Variants in VIPR2 observed in about 807,000 individuals in gnomAD.
VIPR2 encodes vasoactive intestinal peptide receptor 2.
In VIPR2, 48 loss-of-function variants were observed where a neutral mutation model predicts 58.0. The ratio of observed to expected loss-of-function variants is 0.83; its 90% CI spans 0.66 to 1.05. The LOEUF (loss-of-function observed/expected upper bound fraction) is 1.05. VIPR2 is among the 50% of genes least tolerant of loss of function. The pLI, the probability that VIPR2 is intolerant of heterozygous loss-of-function variation, is 0.00. For synonymous variants in VIPR2, 243 were observed against 235.2 expected (o/e 1.03, Z -0.30); for missense variants, 534 against 558.0 (o/e 0.96, Z 0.43).
intron 4 of VIPR2, among the ~76,000 whole-genome samples, chr7:159,078,717 G>A (rs1283145089): frequency 6.6e-6 from 1 of 152,246 alleles, no homozygotes; most frequent in Non-Finnish European, 1.5e-5. Flanking sequence ...CTGAGGAGGA[G>A]CACGTTGTTG....
chr7:159,141,109 T>C (rs1371427183), intron 2 of VIPR2, among the ~76,000 whole-genome samples: 1 of 152,204 alleles, frequency 6.6e-6, no homozygotes. Flanking sequence ...AACTCAGAAC[T>C]TTCACTGGAA....
intron 5 of VIPR2, among the ~76,000 whole-genome samples, chr7:159,055,815 T>C (rs1855288677): frequency 6.6e-6 from 1 of 152,226 alleles, no homozygotes; most frequent in Admixed American, 6.5e-5. Context: ...GTTTGCTGGG[T>C]TTCTCAGTGA....
At position 159,130,085 on chromosome 7, in the gene VIPR2, C is replaced by A. The variant is rs560600206; in HGVS notation, c.151+12361G>T. On this transcript the variant is annotated intron_variant, in intron 2 of 12. Transcript: ENST00000262178. ...CCCCTCAAATTGGCCTCTGTCCTCC[C>A]CTCTTGAAACTACCTTCACAAAAAT... Among the ~76,000 whole-genome samples, 3 of 152,366 alleles carry A rather than the reference C, an allele frequency of 2.0e-5. No individual in the cohort carries two copies. In the South Asian group the frequency reaches 6.2e-4, roughly 32 times the overall value.
At chr7:159,113,500 G>A (rs956316144) in intron 2 of VIPR2, among the ~76,000 whole-genome samples, 12 of 152,070 alleles carry the variant, frequency 7.9e-5, no homozygotes, top group Non-Finnish European at 1.8e-4. Flanking sequence ...CACCATCTCG[G>A]TGTCTGAGGG....
At chr7:159,032,158 T>C in intron 10 of VIPR2, 91 bp from the exon 11 acceptor site, 3 of 1,546,860 alleles carry the variant, frequency 1.9e-6, no homozygotes, top group Middle Eastern at 1.9e-4. Flanking sequence ...GGCAGCTGGG[T>C]GTGGGAGGGG....
chr7:159,101,248 C>T (rs1218734177), intron 4 of VIPR2, among the ~76,000 whole-genome samples: 10 of 141,124 alleles, frequency 7.1e-5, no homozygotes, highest in East Asian at 2.2e-4. Flanking sequence ...TGATAGTGAA[C>T]GGGTCTCACG....
chr7:159,041,063 C>T (rs1854297269), intron 6 of VIPR2, among the ~76,000 whole-genome samples: 1 of 152,246 alleles, frequency 6.6e-6, no homozygotes, highest in Non-Finnish European at 1.5e-5. Context: ...TGCACCTGGG[C>T]TTTGGATCCC....
At chr7:159,040,351 CTG>C (rs1307876903) in intron 6 of VIPR2, among the ~76,000 whole-genome samples, 1 of 152,250 alleles carries the variant, frequency 6.6e-6, no homozygotes, top group Non-Finnish European at 1.5e-5. Context: ...CGGGGAGCCT[CTG>C]TGTGAGCACG....
In VIPR2 at chr7:159,122,065, C is replaced by T. The variant is rs562171479; in HGVS notation, c.152-12146G>A. On this transcript the variant is annotated intron_variant, in intron 2 of 12. Transcript: ENST00000262178. ...AACCGCACAGGTGATTCTCCAGCCC[C>T]GCTTTAACTCCCTGGGAAGGGAAAG... 8.5e-5 allele frequency among the ~76,000 whole-genome samples: 13 copies of T among 152,346 alleles called. No homozygotes were observed. In the South Asian group the frequency reaches 2.5e-3, roughly 29 times the overall value.
Position 159,030,664 on chromosome 7 carries a change from G to A in VIPR2, c.1269C>T (p.Arg423=). 1.3e-6 allele frequency: 2 copies of A among 1,562,542 alleles called. No homozygotes were observed. The highest frequency in any genetic ancestry group is 1.7e-6 in the Non-Finnish European group (2 of 1,154,948). ...NGSEGALQFH[R]GSRAQSFLQT... ...GCAGGAAGGACTGGGCGCGGGAGCC[G>A]CGGTGGAACTGCAGGGCGCCCTCCG... Residue 423 remains arginine, a synonymous_variant, in exon 13 of 13, where the codon CGC becomes CGT. Coordinates refer to ENST00000262178, the MANE Select transcript of VIPR2 (RefSeq NM_003382.5).
intron 3 of VIPR2, among the ~76,000 whole-genome samples, chr7:159,105,266 A>G (rs1858578969): frequency 6.6e-6 from 1 of 152,140 alleles, no homozygotes; most frequent in Non-Finnish European, 1.5e-5. Context: ...AGAGCCCAGG[A>G]GGCCGGACCC....
In VIPR2 at chr7:159,031,572, G is replaced by A. The variant is rs890722310; in HGVS notation, c.1143+256C>T. 293 of 985,404 alleles carry A rather than the reference G, an allele frequency of 3.0e-4. No individual in the cohort carries two copies. Among genetic ancestry groups the A allele is most frequent in the Non-Finnish European group, 3.3e-4 (270 of 829,934 alleles). The allele number at this position is 985,404 out of a possible 1,614,324, so 61.0% of individuals were successfully genotyped here. On this transcript the variant is annotated intron_variant, in intron 12 of 12. Coordinates refer to ENST00000262178, the MANE Select transcript of VIPR2 (RefSeq NM_003382.5). The surrounding 1 kb of genome is among the most constrained non-coding windows in gnomAD (Gnocchi z 4.0). ...GACCCGGCCGGGAGCTTTCCCGAGA[G>A]GGCTCCGAGACGGACGGCAGTCGAT...
intron 2 of VIPR2, among the ~76,000 whole-genome samples, chr7:159,112,951 A>G (rs1796094636): frequency 6.6e-6 from 1 of 151,254 alleles, no homozygotes; most frequent in Non-Finnish European, 1.5e-5. Context: ...CCAACCGAGG[A>G]CCCCGACTGT....
At chr7:159,037,053 A>G in intron 6 of VIPR2, 151 bp from the exon 7 acceptor site, 1 of 995,908 alleles carries the variant, frequency 1.0e-6, no homozygotes, top group Non-Finnish European at 1.4e-6. Context: ...ATTAACACAG[A>G]GGCCAGGGCG....
chr7:159,079,152 A>C (rs1232760144), intron 4 of VIPR2, among the ~76,000 whole-genome samples: 1 of 152,210 alleles, frequency 6.6e-6, no homozygotes, highest in African/African-American at 2.4e-5. Context: ...GCAGGTAGGG[A>C]CTGACCTTCG....
chr7:159,062,569 G>C (rs376060250), intron 4 of VIPR2, among the ~76,000 whole-genome samples: 3 of 151,982 alleles, frequency 2.0e-5, no homozygotes, highest in Non-Finnish European at 4.4e-5. Flanking sequence ...TATTCCTCCC[G>C]GTGGGTTTGT....
intron 4 of VIPR2, among the ~76,000 whole-genome samples, chr7:159,078,447 G>T (rs1439227684): frequency 6.6e-6 from 1 of 152,112 alleles, no homozygotes; most frequent in Non-Finnish European, 1.5e-5. Flanking sequence ...ACACTGTAAG[G>T]CACTAATGCA....
At chr7:159,139,177 T>A (rs1288334186) in intron 2 of VIPR2, among the ~76,000 whole-genome samples, 2 of 152,236 alleles carry the variant, frequency 1.3e-5, no homozygotes, top group Admixed American at 6.5e-5. Flanking sequence ...TTTCTGAGGA[T>A]GTTTGTATAG....
chr7:159,123,378 C>T (rs1418091719), intron 2 of VIPR2, among the ~76,000 whole-genome samples: 1 of 149,860 alleles, frequency 6.7e-6, no homozygotes, highest in East Asian at 2.0e-4. Context: ...CATAATTTAG[C>T]TCCCACTTAC....
Sources: allele counts gnomAD v4.1 joint callset (sites outside exome capture counted in the v4.1 genomes callset), GRCh38; gene constraint gnomAD v4.1.1; non-coding constraint Gnocchi (gnomAD v3.1); transcripts MANE v1.5; gene names NCBI Gene and HGNC (gene_info 2026-07-23, HGNC 2026-07-21).